Variants in COQ4 observed in about 807,000 individuals in gnomAD.
COQ4 encodes the protein coenzyme Q4.
Under a neutral mutation model 30.2 loss-of-function variants are expected in COQ4, and 36 were observed. That is an observed-to-expected ratio of 1.19 (90% CI 0.91 to 1.57). The LOEUF (loss-of-function observed/expected upper bound fraction) is 1.57. Ranked by LOEUF, COQ4 falls within the 40% of genes most tolerant of loss-of-function variation. The pLI, the probability that COQ4 is intolerant of heterozygous loss-of-function variation, is 0.00. For missense variants in COQ4, 369 were observed against 371.9 expected, an observed-to-expected ratio of 0.99 and a Z score of 0.07; for synonymous variants, 197 against 161.0, an observed-to-expected ratio of 1.22 and a Z score of -1.69.
chr9:128,333,048 C>T (rs919782004), intron 6 of COQ4, 105 bp downstream of exon 6: 5 of 804,750 alleles, frequency 6.2e-6, no homozygotes, highest in Non-Finnish European at 8.7e-6. Context: ...GGCCCCTGCA[C>T]AGCCCGTTCC....
Position 128,326,744 on chromosome 9 carries a change from A to G in COQ4, c.402+863A>G, listed in dbSNP as rs184019609. Among the ~76,000 whole-genome samples, 50 of 151,582 alleles carry G rather than the reference A, an allele frequency of 3.3e-4. No homozygotes were observed. In the East Asian group the frequency reaches 9.8e-3, roughly 30 times the overall value. ...AGGCGTGAGCCACAGCGCCCGGCCC[A>G]TCCTTTTTGTTTTGTTTTGTTTTGA... On this transcript the variant is annotated intron_variant, in intron 4 of 6. Coordinates refer to ENST00000300452, the MANE Select transcript of COQ4 (RefSeq NM_016035.5).
At chr9:128,323,478 G>A (rs960500757) in intron 2 of COQ4, 4 of 461,054 alleles carry the variant, frequency 8.7e-6, no homozygotes, top group Admixed American at 4.2e-5. Context: ...AGTCAACTCC[G>A]AGGTCGAGGA....
chr9:128,325,711 C>T (rs1832305377), intron 3 of COQ4, 68 bp from the exon 4 acceptor site: 3 of 1,236,402 alleles, frequency 2.4e-6, no homozygotes, highest in Admixed American at 1.8e-5. Context: ...CGCCCCTCAG[C>T]TCGCTGTAGT....
In COQ4 at chr9:128,332,241, A is replaced by C; in HGVS notation, c.491A>C (p.Asp164Ala). Residue 164 changes from aspartate to alanine, a missense_variant, in exon 5 of 7, where the codon GAC becomes GCC. By Grantham distance (126) the Asp-to-Ala change is moderately radical. Coordinates refer to ENST00000300452, the MANE Select transcript of COQ4 (RefSeq NM_016035.5). ...YVIQRYREVH[D>A]MLHTLLGMPT... ...ATTCAGCGGTACCGGGAGGTGCACG[A>C]CATGCTTCACACCCTGCTGGGGATG... 1 of 1,613,446 alleles carries C rather than the reference A, an allele frequency of 6.2e-7. No homozygotes were observed. Among genetic ancestry groups the C allele is most frequent in the African/African-American group, 1.3e-5 (1 of 75,016 alleles).
Position 128,323,052 on chromosome 9 carries a change from C to G in COQ4, c.107C>G (p.Pro36Arg), listed in dbSNP as rs1308093660. 6.2e-7 allele frequency: 1 copy of G among 1,612,076 alleles called. No homozygotes were observed. The highest frequency in any genetic ancestry group is 1.3e-5 in the African/African-American group (1 of 74,918). The change falls in exon 2 of 7, where the codon CCG becomes CGG. Residue 36 changes from proline (P) to arginine (R), a missense_variant. Coordinates refer to ENST00000300452, the MANE Select transcript of COQ4 (RefSeq NM_016035.5). The part of the protein sequence containing the change: ...PLRARSDGAG[P>R]LYSHHLPTSP... ...CGGGCTAGGAGCGACGGCGCCGGCC[C>G]GCTATACTCGCACCACCTCCCCACC...
chr9:128,327,062 T>C (rs1376858077), intron 4 of COQ4, among the ~76,000 whole-genome samples: 2 of 152,188 alleles, frequency 1.3e-5, no homozygotes, highest in Admixed American at 6.5e-5. Context: ...CATTGTTTTG[T>C]GTACAGGGGA....
At chr9:128,329,559 G>A (rs1033370430) in intron 4 of COQ4, among the ~76,000 whole-genome samples, 15 of 152,006 alleles carry the variant, frequency 9.9e-5, no homozygotes, top group Admixed American at 9.8e-4. Context: ...TAGTATAGGC[G>A]GGATTTCATC....
At chr9:128,329,740 T>TA (rs967365966) in intron 4 of COQ4, among the ~76,000 whole-genome samples, 2 of 152,096 alleles carry the variant, frequency 1.3e-5, no homozygotes, top group African/African-American at 4.8e-5. Context: ...GAAAGGATAA[T>TA]ATATGTAAAA....
In COQ4 at chr9:128,325,148, G is replaced by A; in HGVS notation, c.208G>A (p.Val70Ile). Residue 70 changes from valine to isoleucine, a missense_variant, in exon 3 of 7, where the codon GTC becomes ATC. Transcript: ENST00000300452. The part of the protein sequence containing the change: ...ALYNPYRHDM[V>I]AVLGETTGHR... ...GCCCGTTTCTGTCCTTTCAGACATG[G>A]TCGCAGTTCTAGGGGAGACCACAGG... The A allele has an allele frequency of 6.2e-7, 1 of 1,613,066 alleles. No individual in the cohort carries two copies. Among genetic ancestry groups the A allele is most frequent in the Middle Eastern group, 1.7e-4 (1 of 6,058 alleles).
intron 2 of COQ4, 25 bp downstream of exon 2, chr9:128,323,172 C>T (rs1564389439): frequency 1.3e-6 from 2 of 1,563,748 alleles, no homozygotes; most frequent in Non-Finnish European, 8.6e-7. Flanking sequence ...GCCTCGCCCC[C>T]GTGGGGGCGG....
Position 128,333,723 on chromosome 9 carries a change from T to G in COQ4, c.*78T>G. 1 of 1,228,260 alleles carries G rather than the reference T, an allele frequency of 8.1e-7. No homozygotes were observed. The allele number at this position is 1,228,260 out of a possible 1,614,324, so 76.1% of individuals were successfully genotyped here. On this transcript the variant is annotated 3_prime_UTR_variant, in exon 7 of 7. Coordinates refer to ENST00000300452, the MANE Select transcript of COQ4 (RefSeq NM_016035.5). ...GAGGCAGAGGGCTCCCTTGACTACC[T>G]TTGTTCCTCTTCTTTGAACACTGAC...
chr9:128,325,742 GC>G (rs753487079), intron 3 of COQ4, 36 bp from the exon 4 acceptor site: 2 of 1,545,344 alleles, frequency 1.3e-6, no homozygotes, highest in Non-Finnish European at 1.8e-6. Context: ...ACCTACCTTT[GC>G]CCACACCCTC....
intron 4 of COQ4, chr9:128,326,127 A>T (rs1253773578): frequency 3.5e-6 from 2 of 575,000 alleles, no homozygotes; most frequent in Admixed American, 3.3e-5. Flanking sequence ...CTCATCCGTG[A>T]TCTTGCTGAA....
intron 6 of COQ4, 61 bp from the exon 7 acceptor site, chr9:128,333,413 G>T: frequency 7.1e-7 from 1 of 1,401,308 alleles, no homozygotes; most frequent in South Asian, 1.6e-5. Flanking sequence ...CACAAGTGCC[G>T]AGCAGTCGAG....
Position 128,322,862 on chromosome 9 carries a change from G to T in COQ4, c.4G>T (p.Ala2Ser), listed in dbSNP as rs1205442950. 13 of 1,565,066 alleles carry T rather than the reference G, an allele frequency of 8.3e-6. No individual in the cohort carries two copies. Among genetic ancestry groups the T allele is most frequent in the Non-Finnish European group, 1.1e-5 (13 of 1,159,166 alleles). Residue 2 changes from alanine to serine, a missense_variant, in exon 1 of 7, where the codon GCG becomes TCG. By Grantham distance (99) the Ala-to-Ser change is moderately conservative. Coordinates refer to ENST00000300452, the MANE Select transcript of COQ4 (RefSeq NM_016035.5). ...TCCTCCGCGGACGCCCGCTGCCATG[G>T]CGACTCTGCTGCGCCCTGTCCTCCG... The part of the protein sequence containing the change: M[A>S]TLLRPVLRRL...
At chr9:128,326,988 T>C (rs1832333638) in intron 4 of COQ4, among the ~76,000 whole-genome samples, 1 of 151,908 alleles carries the variant, frequency 6.6e-6, no homozygotes, top group Non-Finnish European at 1.5e-5. Context: ...CCTCAAGTGA[T>C]CCACCTGCCT....
intron 6 of COQ4, 58 bp from the exon 7 acceptor site, chr9:128,333,416 C>A: frequency 7.1e-7 from 1 of 1,402,982 alleles, no homozygotes; most frequent in African/African-American, 1.5e-5. Context: ...AAGTGCCGAG[C>A]AGTCGAGTGC....
chr9:128,325,339 G>C, intron 3 of COQ4, 100 bp downstream of exon 3: 1 of 828,282 alleles, frequency 1.2e-6, no homozygotes, highest in South Asian at 1.7e-5. Flanking sequence ...GGGAGCTTTT[G>C]ATACCCTGGC....
chr9:128,327,456 CA>C (rs1222297487), intron 4 of COQ4, among the ~76,000 whole-genome samples: 1 of 151,706 alleles, frequency 6.6e-6, no homozygotes, highest in Non-Finnish European at 1.5e-5. Flanking sequence ...CAAAACAAAA[CA>C]AAAAAATTCA....
Sources: allele counts gnomAD v4.1 joint callset (sites outside exome capture counted in the v4.1 genomes callset), GRCh38; gene constraint gnomAD v4.1.1; transcripts MANE v1.5; gene names NCBI Gene and HGNC (gene_info 2026-07-23, HGNC 2026-07-21).